CNTN4: variants seen among roughly 807,000 people sequenced by gnomAD.
The protein encoded by CNTN4 is contactin 4, also known as contactin-4.
In CNTN4, 77 loss-of-function variants were observed where a neutral mutation model predicts 122.5. The ratio of observed to expected loss-of-function variants is 0.63; its 90% CI spans 0.52 to 0.76. The LOEUF is 0.76. CNTN4 is among the 30% of genes least tolerant of loss of function. The pLI, the probability that CNTN4 is intolerant of heterozygous loss-of-function variation, is 0.00. For synonymous variants in CNTN4, 512 were observed against 447.0 expected (o/e 1.15, Z -1.83); for missense variants, 1,256 against 1,259.1 (o/e 1.00, Z 0.04).
chr3:2,937,836 A>T (rs2094579805), intron 13 of CNTN4, among the ~76,000 whole-genome samples: 1 of 152,152 alleles, frequency 6.6e-6, no homozygotes. Context: ...AATGCTCCAC[A>T]GAGAGAGGAA....
chr3:3,013,223 GA>G (rs1697407050), intron 14 of CNTN4, among the ~76,000 whole-genome samples: 1 of 152,102 alleles, frequency 6.6e-6, no homozygotes, highest in African/African-American at 2.4e-5. Flanking sequence ...TTATAGATAA[GA>G]AAACTACAGC....
At position 3,037,788 on chromosome 3, in the gene CNTN4, C is replaced by A. The variant is rs74723775; in HGVS notation, c.2092+460C>A. 5.9e-3 allele frequency: 1,510 copies of A among 257,048 alleles called. 25 individuals carry two copies. Among genetic ancestry groups the A allele is most frequent in the African/African-American group, 0.032 (1,411 of 44,584 alleles). The allele number at this position is 257,048 out of a possible 1,614,324, so 15.9% of individuals were successfully genotyped here. A position where few individuals can be genotyped will look rare whatever the true frequency, so the allele number is the denominator to read the frequency against. Reference sequence around the variant, plus strand: ...CTTCAGAAATGTTCACTTAGATTATCTTTCTTAGGGTATAAACCATTCCCA... The same window carrying A: ...CTTCAGAAATGTTCACTTAGATTATATTTCTTAGGGTATAAACCATTCCCA... On this transcript the variant is annotated intron_variant, in intron 18 of 24. Coordinates refer to ENST00000418658, the MANE Select transcript of CNTN4 (RefSeq NM_175607.3).
chr3:2,196,436 CTCTT>C (rs1219051249), intron 2 of CNTN4, among the ~76,000 whole-genome samples: 9 of 152,248 alleles, frequency 5.9e-5, no homozygotes, highest in Admixed American at 3.3e-4. Flanking sequence ...GTTCAATAGA[CTCTT>C]TGTGCATTTG....
At chr3:2,748,671 T>G (rs1413598169) in intron 6 of CNTN4, among the ~76,000 whole-genome samples, 2 of 152,198 alleles carry the variant, frequency 1.3e-5, no homozygotes, top group African/African-American at 4.8e-5. Flanking sequence ...TTTAAAGTAG[T>G]GAGAATCTTT....
intron 4 of CNTN4, among the ~76,000 whole-genome samples, chr3:2,683,091 C>G (rs2085248055): frequency 6.6e-6 from 1 of 152,078 alleles, no homozygotes; most frequent in African/African-American, 2.4e-5. Context: ...CAATCCACCA[C>G]CATTATTTTT....
intron 6 of CNTN4, among the ~76,000 whole-genome samples, chr3:2,788,357 C>G (rs1333312857): frequency 6.6e-6 from 1 of 152,038 alleles, no homozygotes; most frequent in African/African-American, 2.4e-5. Context: ...AATTATTTAA[C>G]CCAATGGAAT....
intron 6 of CNTN4, among the ~76,000 whole-genome samples, chr3:2,809,787 G>C (rs963347477): frequency 3.9e-5 from 6 of 152,180 alleles, no homozygotes; most frequent in African/African-American, 1.4e-4. Flanking sequence ...TCATGAGTTA[G>C]ATAGGTGTAC....
chr3:2,661,003 A>C (rs1445776955), intron 4 of CNTN4, among the ~76,000 whole-genome samples: 1 of 152,232 alleles, frequency 6.6e-6, no homozygotes, highest in Admixed American at 6.5e-5. Flanking sequence ...ACCTTTGCCA[A>C]GCACTGTTTC....
chr3:2,409,488 CTG>C (rs1459741437), intron 3 of CNTN4, among the ~76,000 whole-genome samples: 1 of 152,076 alleles, frequency 6.6e-6, no homozygotes. Flanking sequence ...ACCTTGTGAT[CTG>C]CACGCCTCAG....
At chr3:3,047,356 TA>T (rs1396786075) in intron 23 of CNTN4, among the ~76,000 whole-genome samples, 1 of 151,910 alleles carries the variant, frequency 6.6e-6, no homozygotes, top group Non-Finnish European at 1.5e-5. Context: ...ACTTATTCCA[TA>T]ATTGACCTCA....
At chr3:2,625,635 G>C (rs1459760989) in intron 4 of CNTN4, among the ~76,000 whole-genome samples, 1 of 152,118 alleles carries the variant, frequency 6.6e-6, no homozygotes, top group Non-Finnish European at 1.5e-5. Context: ...TTAAGTTCCT[G>C]AGATTCATCC....
intron 2 of CNTN4, among the ~76,000 whole-genome samples, chr3:2,138,083 T>C (rs112181140): frequency 0.024 from 3,671 of 150,032 alleles, 136 homozygotes; most frequent in African/African-American, 0.081. Context: ...TTTTTTTTTT[T>C]CGAGACGGAG....
chr3:2,782,584 G>T (rs568985200), intron 6 of CNTN4, among the ~76,000 whole-genome samples: 10 of 150,824 alleles, frequency 6.6e-5, no homozygotes, highest in Admixed American at 2.7e-4. Flanking sequence ...ATTAGCATAA[G>T]TCCCAGAACA....
At chr3:2,612,945 T>A (rs1576217484) in intron 4 of CNTN4, among the ~76,000 whole-genome samples, 1 of 152,154 alleles carries the variant, frequency 6.6e-6, no homozygotes, top group East Asian at 1.9e-4. Flanking sequence ...AGATCTCTTT[T>A]TATTGTATGC....
At chr3:2,834,096 A>G (rs1435928334) in intron 7 of CNTN4, among the ~76,000 whole-genome samples, 1 of 152,192 alleles carries the variant, frequency 6.6e-6, no homozygotes, top group Non-Finnish European at 1.5e-5. Context: ...CAGTAAGCCG[A>G]GATCGCCACT....
intron 4 of CNTN4, among the ~76,000 whole-genome samples, chr3:2,704,157 TGTG>T (rs1200826677): frequency 6.6e-6 from 1 of 151,154 alleles, no homozygotes; most frequent in Non-Finnish European, 1.5e-5. Flanking sequence ...ATTAGCCAGG[TGTG>T]GTGGCATACA....
intron 3 of CNTN4, among the ~76,000 whole-genome samples, chr3:2,533,225 C>A (rs1482000077): frequency 6.6e-6 from 1 of 151,120 alleles, no homozygotes; most frequent in African/African-American, 2.4e-5. Context: ...TGTTGGTGTG[C>A]TGCACCCATT....
intron 3 of CNTN4, among the ~76,000 whole-genome samples, chr3:2,430,776 T>G (rs1181854930): frequency 1.3e-5 from 2 of 152,182 alleles, no homozygotes; most frequent in Admixed American, 1.3e-4. Flanking sequence ...CATGTGTTGT[T>G]ATTTTAGCAT....
intron 7 of CNTN4, among the ~76,000 whole-genome samples, chr3:2,824,271 G>A (rs2150309552): frequency 6.6e-6 from 1 of 151,976 alleles, no homozygotes; most frequent in Non-Finnish European, 1.5e-5. Flanking sequence ...AGATCAGCCT[G>A]GCCAACATAG....
Sources: gnomAD v4.1 joint callset for allele counts (sites outside exome capture counted in the v4.1 genomes callset) on GRCh38, gnomAD v4.1.1 for gene constraint, MANE v1.5 for transcripts, NCBI Gene and HGNC (gene_info 2026-07-23, HGNC 2026-07-21) for gene names.